ADAMTSL3: variants seen among roughly 807,000 people sequenced by gnomAD.
The protein encoded by ADAMTSL3 is ADAMTS like 3, also known as ADAMTS-like protein 3.
A neutral mutation model predicts 201.7 loss-of-function variants in ADAMTSL3; 128 were observed. That is an observed-to-expected ratio of 0.63 (90% CI 0.55 to 0.73). The LOEUF is 0.73. ADAMTSL3 is among the 30% of genes least tolerant of loss of function. The pLI is 0.00. For missense variants in ADAMTSL3, 1,990 were observed against 2,119.6 expected, an observed-to-expected ratio of 0.94 and a Z score of 1.20; for synonymous variants, 738 against 748.4, an observed-to-expected ratio of 0.99 and a Z score of 0.23.
chr15:84,016,423 AC>A lies in ADAMTSL3; in HGVS notation c.4198del (p.His1400IlefsTer54), dbSNP rs772817155. 1.2e-6 allele frequency: 2 copies of A among 1,614,026 alleles called. No homozygotes were observed. Among genetic ancestry groups the A allele is most frequent in the South Asian group, 1.1e-5 (1 of 91,068 alleles). The part of the protein sequence containing the change: ...PESRIVFLQG[H>X]KKYILQATNT... ...AGAGTAGAATCGTATTTCTGCAAGGACATAAAAAGTACATTCTCCAGGCAAC... is the reference window on the plus strand; with the variant it reads ...AGAGTAGAATCGTATTTCTGCAAGGAATAAAAAGTACATTCTCCAGGCAAC... On this transcript the variant is annotated frameshift_variant, in exon 25 of 30. Coordinates refer to ENST00000286744, the MANE Select transcript of ADAMTSL3 (RefSeq NM_207517.3). LOFTEE classifies it high-confidence loss of function.
At position 84,018,384 on chromosome 15, in the gene ADAMTSL3, G is replaced by C. The variant is rs186363366; in HGVS notation, c.4273+1885G>C. On this transcript the variant is annotated intron_variant, in intron 25 of 29. Coordinates refer to ENST00000286744, the MANE Select transcript of ADAMTSL3 (RefSeq NM_207517.3). ...ACCCTGTCCTAGTGTTGGACAGGGTGGTGTTTATGGTCTTGACATTCCAGT... is the reference window on the plus strand; with the variant it reads ...ACCCTGTCCTAGTGTTGGACAGGGTCGTGTTTATGGTCTTGACATTCCAGT... Among the ~76,000 whole-genome samples the C allele has an allele frequency of 4.4e-3, 669 of 152,294 alleles. 2 individuals carry two copies. Among genetic ancestry groups the C allele is most frequent in the Middle Eastern group, 0.031 (9 of 294 alleles).
At chr15:83,835,394 T>C (rs2064248300) in intron 6 of ADAMTSL3, among the ~76,000 whole-genome samples, 1 of 152,196 alleles carries the variant, frequency 6.6e-6, no homozygotes, top group Non-Finnish European at 1.5e-5. Context: ...TGTTTTCACA[T>C]GCTTTATTTT....
At chr15:83,766,105 G>T (rs1439436521) in intron 3 of ADAMTSL3, among the ~76,000 whole-genome samples, 1 of 152,224 alleles carries the variant, frequency 6.6e-6, no homozygotes, top group Non-Finnish European at 1.5e-5. Flanking sequence ...GGTATGTTCA[G>T]TGGAAAGTCT....
rs1567280172 is a variant in ADAMTSL3, at chr15:83,982,411, CATCCGTG to C, written c.2786_2792del (p.Ser929LeufsTer13). 1 of 1,614,158 alleles carries C rather than the reference CATCCGTG, an allele frequency of 6.2e-7. No individual in the cohort carries two copies. The highest frequency in any genetic ancestry group is 1.1e-5 in the South Asian group (1 of 91,082). On this transcript the variant is annotated frameshift_variant, in exon 21 of 30. Coordinates refer to ENST00000286744, the MANE Select transcript of ADAMTSL3 (RefSeq NM_207517.3). LOFTEE classifies it high-confidence loss of function. ...AGCAGAGCCTATTTGCTGCCCAACA[CATCCGTG>C]ATTATTAAGTGCCCCGTGCGACGAT...
chr15:83,877,770 G>A (rs915950740), intron 9 of ADAMTSL3, among the ~76,000 whole-genome samples: 9 of 151,872 alleles, frequency 5.9e-5, no homozygotes, highest in African/African-American at 2.2e-4. Flanking sequence ...TCTCAATAAT[G>A]TTCATAATTT....
chr15:83,968,493 A>C (rs905332375), intron 19 of ADAMTSL3, among the ~76,000 whole-genome samples: 2 of 152,262 alleles, frequency 1.3e-5, no homozygotes, highest in Non-Finnish European at 2.9e-5. Flanking sequence ...AATGGCGATC[A>C]TTAAGAAGCC....
rs138483467 is a variant in ADAMTSL3 at position 83,733,741 on chromosome 15, C to T, written c.189+29233C>T. 1.5e-3 allele frequency among the ~76,000 whole-genome samples: 225 copies of T among 152,254 alleles called. 2 individuals carry two copies. Among genetic ancestry groups the T allele is most frequent in the Admixed American group, 0.011 (163 of 15,288 alleles). On this transcript the variant is annotated intron_variant, in intron 3 of 29. Coordinates refer to ENST00000286744, the MANE Select transcript of ADAMTSL3 (RefSeq NM_207517.3). ...AAATGACTTTATTTAAAAATCTCCT[C>T]TAGTTTGTTGACAGCACTCATGTTT...
At chr15:83,834,615 A>T (rs188029474) in intron 6 of ADAMTSL3, among the ~76,000 whole-genome samples, 10 of 152,362 alleles carry the variant, frequency 6.6e-5, no homozygotes, top group Admixed American at 5.2e-4. Context: ...CATATGCAGG[A>T]ACTGTGAAAT....
intron 9 of ADAMTSL3, among the ~76,000 whole-genome samples, chr15:83,881,978 C>T (rs937185931): frequency 2.0e-5 from 3 of 151,824 alleles, no homozygotes; most frequent in South Asian, 2.1e-4. Flanking sequence ...ATAGTGGAAC[C>T]CTATCTCTAC....
intron 5 of ADAMTSL3, 118 bp downstream of exon 5, chr15:83,804,813 G>A (rs2063578371): frequency 1.5e-6 from 1 of 688,246 alleles, no homozygotes. Flanking sequence ...GAAAACTTAA[G>A]TATTTCTTTA....
intron 16 of ADAMTSL3, among the ~76,000 whole-genome samples, chr15:83,916,099 G>A (rs75063533): frequency 0.01 from 1,527 of 152,224 alleles, 31 homozygotes; most frequent in African/African-American, 0.034. Flanking sequence ...TAGTGGCACT[G>A]CGCACCTTTT....
intron 25 of ADAMTSL3, among the ~76,000 whole-genome samples, chr15:84,019,908 AAAAG>A (rs2068165741): frequency 6.6e-6 from 1 of 151,464 alleles, no homozygotes; most frequent in South Asian, 2.1e-4. Context: ...AAAAAAAAAA[AAAAG>A]AAACCAAATA....
chr15:83,705,454 A>C (rs1384911134), intron 3 of ADAMTSL3, among the ~76,000 whole-genome samples: 1 of 152,160 alleles, frequency 6.6e-6, no homozygotes, highest in African/African-American at 2.4e-5. Context: ...GTCAGAGTGC[A>C]AAAGACAGTA....
chr15:83,750,294 G>A (rs1036241666), intron 3 of ADAMTSL3, among the ~76,000 whole-genome samples: 3 of 152,278 alleles, frequency 2.0e-5, no homozygotes, highest in African/African-American at 4.8e-5. Flanking sequence ...CTTCACCTAA[G>A]TTTCTACTTA....
chr15:83,909,724 C>T (rs942246642), intron 15 of ADAMTSL3, among the ~76,000 whole-genome samples: 8 of 152,024 alleles, frequency 5.3e-5, no homozygotes, highest in African/African-American at 1.9e-4. Context: ...AAGTGATTCT[C>T]CTGCCTCAGC....
At chr15:83,746,011 C>G (rs1179892956) in intron 3 of ADAMTSL3, among the ~76,000 whole-genome samples, 1 of 152,104 alleles carries the variant, frequency 6.6e-6, no homozygotes. Context: ...GCTGTTCTAA[C>G]AAATAGGCCT....
At chr15:84,027,452 C>A (rs190771100) in intron 27 of ADAMTSL3, among the ~76,000 whole-genome samples, 1 of 152,172 alleles carries the variant, frequency 6.6e-6, no homozygotes, top group Non-Finnish European at 1.5e-5. Context: ...AGGCCGGGCG[C>A]GGTGACTCAC....
chr15:84,015,933 C>T (rs183496652), intron 24 of ADAMTSL3, among the ~76,000 whole-genome samples: 1 of 152,170 alleles, frequency 6.6e-6, no homozygotes, highest in Non-Finnish European at 1.5e-5. Flanking sequence ...TCATGGCATT[C>T]CTCCACCATC....
rs185270996 is a variant in ADAMTSL3, at chr15:83,825,552, G to A, written c.600+5505G>A. Among the ~76,000 whole-genome samples the A allele has an allele frequency of 3.9e-5, 6 of 152,170 alleles. No homozygotes were observed. In the East Asian group the frequency reaches 5.8e-4, roughly 15 times the overall value. On this transcript the variant is annotated intron_variant, in intron 6 of 29. Coordinates refer to ENST00000286744, the MANE Select transcript of ADAMTSL3 (RefSeq NM_207517.3). ...AGGATTCGCTTGAGTCCAGGTAGTC[G>A]AGGCTGCACTGAACTATGATTGTAC...
Sources: allele counts gnomAD v4.1 joint callset (sites outside exome capture counted in the v4.1 genomes callset), GRCh38; gene constraint gnomAD v4.1.1; transcripts MANE v1.5; gene names NCBI Gene and HGNC (gene_info 2026-07-23, HGNC 2026-07-21).